SRBD1: variants seen among roughly 807,000 people sequenced by gnomAD.
The protein encoded by SRBD1 is S1 RNA-binding domain-containing protein 1.
SRBD1 carries 88 observed loss-of-function variants against 115.3 expected under a neutral mutation model. The ratio of observed to expected loss-of-function variants is 0.76; its 90% CI spans 0.64 to 0.91. SRBD1 has a LOEUF of 0.91. Among genes scored for constraint, SRBD1 ranks in the 40% least tolerant of loss-of-function variants. SRBD1 has a pLI of 0.00. For synonymous variants in SRBD1, 509 were observed against 407.7 expected (o/e 1.25, Z -2.99); for missense variants, 1,385 against 1,177.4 (o/e 1.18, Z -2.58).
At chr2:45,515,450 A>C (rs10197557) in intron 14 of SRBD1, among the ~76,000 whole-genome samples, 12,598 of 152,192 alleles carry the variant, frequency 0.083, 724 homozygotes, top group African/African-American at 0.15. Context: ...TACAGCGTAG[A>C]TATCTTATTT....
At chr2:45,400,127 G>A (rs1667252857) in intron 19 of SRBD1, among the ~76,000 whole-genome samples, 1 of 152,088 alleles carries the variant, frequency 6.6e-6, no homozygotes, top group Non-Finnish European at 1.5e-5. Context: ...TAAATCCCTA[G>A]TTGTCCTCTG....
intron 16 of SRBD1, among the ~76,000 whole-genome samples, chr2:45,474,976 G>C (rs10205197): frequency 0.21 from 32,636 of 152,100 alleles, 5,622 homozygotes; most frequent in African/African-American, 0.48. Context: ...CCATCTTGAT[G>C]ACGTTCTTAG....
At chr2:45,556,551 C>G (rs1473960277) in intron 10 of SRBD1, among the ~76,000 whole-genome samples, 1 of 150,032 alleles carries the variant, frequency 6.7e-6, no homozygotes, top group Non-Finnish European at 1.5e-5. Flanking sequence ...CAACCTCCAC[C>G]TCCCAGGTTC....
chr2:45,513,389 G>C (rs528624842), intron 14 of SRBD1, among the ~76,000 whole-genome samples: 1 of 149,426 alleles, frequency 6.7e-6, no homozygotes, highest in South Asian at 2.1e-4. Flanking sequence ...ATTACAAGCT[G>C]AAAGTTCCTC....
intron 16 of SRBD1, among the ~76,000 whole-genome samples, chr2:45,452,449 CAG>C (rs1221578801): frequency 1.3e-5 from 2 of 151,946 alleles, no homozygotes; most frequent in African/African-American, 4.8e-5. Context: ...ATTAATTATG[CAG>C]AGATATAATC....
intron 14 of SRBD1, among the ~76,000 whole-genome samples, chr2:45,504,423 C>G (rs1670736124): frequency 6.6e-6 from 1 of 152,042 alleles, no homozygotes; most frequent in South Asian, 2.1e-4. Context: ...GAGCTTCTTT[C>G]CCAAATTACA....
intron 11 of SRBD1, among the ~76,000 whole-genome samples, chr2:45,552,193 A>G (rs1424641199): frequency 1.3e-5 from 2 of 152,224 alleles, no homozygotes; most frequent in Non-Finnish European, 2.9e-5. Context: ...AAATTAAGTG[A>G]CTGCAAAATA....
chr2:45,601,817 C>A, intron 3 of SRBD1, 86 bp downstream of exon 3: 1 of 1,514,848 alleles, frequency 6.6e-7, no homozygotes, highest in East Asian at 2.3e-5. Context: ...CATTTACATG[C>A]CTTGTCCTAC....
chr2:45,605,865 T>C (rs960355051), intron 1 of SRBD1, among the ~76,000 whole-genome samples: 1 of 148,594 alleles, frequency 6.7e-6, no homozygotes, highest in Admixed American at 6.7e-5. Flanking sequence ...GATTGCATAA[T>C]TGCACTCCAG....
rs767467829 is a variant in SRBD1, at chr2:45,577,262, G to T, written c.1073-2539C>A. ...TTAAAAGGAAAGTCTTCTGTGTTTTGAAAAAGCTCCTTTCCCAATCAAAGG... is the reference window on the plus strand; with the variant it reads ...TTAAAAGGAAAGTCTTCTGTGTTTTTAAAAAGCTCCTTTCCCAATCAAAGG... On this transcript the variant is annotated intron_variant, in intron 7 of 20. Transcript: ENST00000263736. Among the ~76,000 whole-genome samples the T allele has an allele frequency of 6.6e-4, 101 of 152,292 alleles. 1 individual carries two copies. Among genetic ancestry groups the T allele is most frequent in the Non-Finnish European group, 2.5e-4 (17 of 68,024 alleles).
rs756466552 is a variant in SRBD1, at chr2:45,602,074, G to A, written c.90C>T (p.Ala30=). ...TATCTTCCTTGTCATCTTCTTCAGA[G>A]GCAGATGATCTAGAAGTAAATCAAC... ...EFSSFSELSS[A]SEEDDKEDSA... is the part of the protein sequence containing the mutation. The change falls in exon 3 of 21, where the codon GCC becomes GCT. Residue 30 remains alanine, a synonymous_variant. Transcript: ENST00000263736. 2 of 1,613,124 alleles carry A rather than the reference G, an allele frequency of 1.2e-6. No homozygotes were observed. The highest frequency in any genetic ancestry group is 1.3e-5 in the African/African-American group (1 of 74,800).
In SRBD1 at chr2:45,464,960, C is replaced by A. The variant is rs187171415; in HGVS notation, c.2049+12033G>T. On this transcript the variant is annotated intron_variant, in intron 16 of 20. Coordinates refer to ENST00000263736, the MANE Select transcript of SRBD1 (RefSeq NM_018079.5). ...ATAACTATTCTCAATTAATTGAGTA[C>A]CAATACTCTGTTAAAAAGAAACTGT... 1.9e-3 allele frequency among the ~76,000 whole-genome samples: 287 copies of A among 150,362 alleles called. 1 individual carries two copies. Among genetic ancestry groups the A allele is most frequent in the Non-Finnish European group, 3.5e-3 (234 of 67,542 alleles).
intron 4 of SRBD1, among the ~76,000 whole-genome samples, chr2:45,596,698 C>A (rs1398856598): frequency 6.6e-6 from 1 of 152,068 alleles, no homozygotes; most frequent in Non-Finnish European, 1.5e-5. Flanking sequence ...CAGAGCCGAG[C>A]TCATAACAAG....
intron 14 of SRBD1, among the ~76,000 whole-genome samples, chr2:45,492,774 G>T (rs1209917334): frequency 1.3e-5 from 2 of 152,068 alleles, no homozygotes; most frequent in Non-Finnish European, 2.9e-5. Context: ...TGGGCTAACA[G>T]TTTTCACCTT....
chr2:45,516,516 A>C (rs1012230126), intron 14 of SRBD1, among the ~76,000 whole-genome samples: 1 of 152,230 alleles, frequency 6.6e-6, no homozygotes, highest in African/African-American at 2.4e-5. Context: ...TAACACACAC[A>C]CACAACAGAT....
chr2:45,593,445 GATA>G (rs1363504427), intron 4 of SRBD1, among the ~76,000 whole-genome samples: 10 of 152,104 alleles, frequency 6.6e-5, no homozygotes, highest in African/African-American at 1.2e-4. Context: ...CTGGTCTCAG[GATA>G]ATGAGTCTCA....
chr2:45,533,217 GA>G (rs1160551681), intron 14 of SRBD1, among the ~76,000 whole-genome samples: 2 of 151,912 alleles, frequency 1.3e-5, no homozygotes, highest in Admixed American at 1.3e-4. Flanking sequence ...ATTTACCCTA[GA>G]AACTATGATG....
chr2:45,509,953 T>G (rs569565082), intron 14 of SRBD1, among the ~76,000 whole-genome samples: 1 of 152,320 alleles, frequency 6.6e-6, no homozygotes, highest in East Asian at 1.9e-4. Context: ...CAGGCTGGTC[T>G]CAAACTCCTG....
chr2:45,471,492 A>G (rs1431256998), intron 16 of SRBD1, among the ~76,000 whole-genome samples: 1 of 152,200 alleles, frequency 6.6e-6, no homozygotes, highest in Non-Finnish European at 1.5e-5. Flanking sequence ...AAACTTGTGT[A>G]TGAATCTTAA....
Sources: gnomAD v4.1 joint callset for allele counts (sites outside exome capture counted in the v4.1 genomes callset) on GRCh38, gnomAD v4.1.1 for gene constraint, MANE v1.5 for transcripts, NCBI Gene and HGNC (gene_info 2026-07-23, HGNC 2026-07-21) for gene names.